CEBPZOS: variants seen among roughly 807,000 people sequenced by gnomAD.
CEBPZOS encodes protein CEBPZOS.
CEBPZOS carries 10 observed loss-of-function variants against 4.8 expected under a neutral mutation model. That is an observed-to-expected ratio of 2.07 (90% confidence interval 1.28 to 3.52). CEBPZOS has a LOEUF of 3.52. CEBPZOS is among the 30% of genes most tolerant of loss of function. The probability of loss-of-function intolerance (pLI) is 0.00; values close to 1 mark genes in which losing one functional copy is unlikely to be tolerated. For synonymous variants in CEBPZOS, 25 were observed against 14.2 expected, an observed-to-expected ratio of 1.77 and a Z score of -1.72; for missense variants, 98 against 43.6, an observed-to-expected ratio of 2.25 and a Z score of -3.51.
At chr2:37,215,826 T>A (rs113912805), downstream of CEBPZOS, among the ~76,000 whole-genome samples, 2 of 151,962 alleles carry the variant, frequency 1.3e-5, no homozygotes, top group African/African-American at 4.8e-5. Flanking sequence ...TACATAGGGG[T>A]TGTGGATGAA....
At chr2:37,206,959 G>GA (rs1315613517), downstream of CEBPZOS, among the ~76,000 whole-genome samples, 1 of 152,126 alleles carries the variant, frequency 6.6e-6, no homozygotes, top group Non-Finnish European at 1.5e-5. Context: ...GGTGGGAAAA[G>GA]ATATTCCATG....
At chr2:37,206,166 C>T (rs949830936), downstream of CEBPZOS, among the ~76,000 whole-genome samples, 3 of 152,058 alleles carry the variant, frequency 2.0e-5, no homozygotes, top group Non-Finnish European at 4.4e-5. Context: ...AGGAAAATGG[C>T]GGATAAGGGG....
intron 1 of CEBPZOS, among the ~76,000 whole-genome samples, chr2:37,199,430 C>T (rs1429685605): frequency 6.6e-6 from 1 of 152,138 alleles, no homozygotes; most frequent in Non-Finnish European, 1.5e-5. Flanking sequence ...AATTTTAGTT[C>T]CGTAAATTGT....
At chr2:37,213,188 TA>T (rs1232369400) in intron 4 of CEBPZOS, among the ~76,000 whole-genome samples, 1 of 152,178 alleles carries the variant, frequency 6.6e-6, no homozygotes, top group Non-Finnish European at 1.5e-5. Flanking sequence ...GGATTAAAGA[TA>T]AAAAAGATCA....
rs1017358856 is a variant in CEBPZOS, at chr2:37,204,723, T to C, written c.*2863T>C. ...AGTAAATTAATAAATCTGAATCAAT[T>C]AATAAATCTGTTTAAAATTCCTTGC... is the stretch of plus-strand genomic sequence containing the variant. On this transcript the variant is annotated 3_prime_UTR_variant, in exon 5 of 5. Coordinates refer to ENST00000402297, the MANE Select transcript of CEBPZOS (RefSeq NM_001322374.2). 1 of 152,220 alleles carries C rather than the reference T, an allele frequency of 6.6e-6. No individual in the cohort carries two copies. The highest frequency in any genetic ancestry group is 1.5e-5 in the Non-Finnish European group (1 of 68,030). The allele number at this position is 152,220 out of a possible 1,614,324, so 9.4% of individuals were successfully genotyped here. A position where few individuals can be genotyped will look rare whatever the true frequency, so the allele number is the denominator to read the frequency against.
downstream of CEBPZOS, among the ~76,000 whole-genome samples, chr2:37,207,801 A>G (rs1247451297): frequency 6.6e-6 from 1 of 152,208 alleles, no homozygotes; most frequent in Non-Finnish European, 1.5e-5. Context: ...AATAACAAAT[A>G]TCAGAGCAGA....
downstream of CEBPZOS, chr2:37,209,179 T>C (rs989716850): frequency 3.9e-5 from 6 of 152,176 alleles, no homozygotes; most frequent in Non-Finnish European, 5.9e-5. Flanking sequence ...CCCATGTTCA[T>C]GGATGGGTAG....
In CEBPZOS at chr2:37,202,055, T is replaced by A. The variant is rs541898080; in HGVS notation, c.*195T>A. 2.0e-6 allele frequency: 1 copy of A among 499,874 alleles called. No homozygotes were observed. The highest frequency in any genetic ancestry group is 5.2e-5 in the South Asian group (1 of 19,250). The allele number at this position is 499,874 out of a possible 1,614,324, so 31.0% of individuals were successfully genotyped here. A position where few individuals can be genotyped will look rare whatever the true frequency, so the allele number is the denominator to read the frequency against. On this transcript the variant is annotated 3_prime_UTR_variant, in exon 5 of 5. Coordinates refer to ENST00000402297, the MANE Select transcript of CEBPZOS (RefSeq NM_001322374.2). Reference sequence around the variant, plus strand: ...AAACCCACTGCTTGTTTGTTGCTTTTCTTCTCATATTTATTGTCAAAGATA... The same window carrying A: ...AAACCCACTGCTTGTTTGTTGCTTTACTTCTCATATTTATTGTCAAAGATA...
At chr2:37,206,844 C>T (rs1470045580), downstream of CEBPZOS, among the ~76,000 whole-genome samples, 1 of 152,140 alleles carries the variant, frequency 6.6e-6, no homozygotes, top group Non-Finnish European at 1.5e-5. Context: ...TGTAAATGGC[C>T]TAAATGCTCC....
chr2:37,215,804 A>G (rs1413062401), downstream of CEBPZOS, among the ~76,000 whole-genome samples: 3 of 152,202 alleles, frequency 2.0e-5, no homozygotes, highest in Admixed American at 1.3e-4. Flanking sequence ...ATTGTAAGCA[A>G]TAATAATTAT....
intron 3 of CEBPZOS, 193 bp downstream of exon 3, chr2:37,201,285 G>T: frequency 1.8e-6 from 1 of 551,864 alleles, no homozygotes; most frequent in South Asian, 2.4e-5. Flanking sequence ...TTCTTCTAGT[G>T]GTTAAGAATG....
chr2:37,201,900 A>G lies in CEBPZOS; in HGVS notation c.*40A>G. On this transcript the variant is annotated 3_prime_UTR_variant, in exon 5 of 5. Coordinates refer to ENST00000402297, the MANE Select transcript of CEBPZOS (RefSeq NM_001322374.2). ...TTCAGCCTCCCATCTAAGCTGTTTG[A>G]GACCTTTGAGAGAAGAAGAAAAGAT... 6.2e-7 allele frequency: 1 copy of G among 1,611,652 alleles called. No individual in the cohort carries two copies. The highest frequency in any genetic ancestry group is 8.5e-7 in the Non-Finnish European group (1 of 1,179,426).
intron 4 of CEBPZOS, chr2:37,210,763 C>T (rs1677695489): frequency 4.9e-6 from 2 of 407,678 alleles, no homozygotes; most frequent in South Asian, 3.4e-5. Flanking sequence ...CCAAAAACAA[C>T]TGAAATAATG....
At chr2:37,211,137 A>C (rs1572497883) in intron 4 of CEBPZOS, 2 of 1,146,922 alleles carry the variant, frequency 1.7e-6, no homozygotes, top group East Asian at 4.7e-5. Flanking sequence ...AGACTGGAAA[A>C]TATTACTCCA....
chr2:37,214,988 A>C (rs969047021), downstream of CEBPZOS: 2 of 1,310,040 alleles, frequency 1.5e-6, no homozygotes, highest in Admixed American at 3.4e-5. Flanking sequence ...AACTTCATAT[A>C]GCAATCCCCT....
downstream of CEBPZOS, among the ~76,000 whole-genome samples, chr2:37,205,264 G>A (rs1254195317): frequency 1.3e-5 from 2 of 151,574 alleles, no homozygotes; most frequent in African/African-American, 4.8e-5. Flanking sequence ...CATATCCCCT[G>A]TGACCTGCAC....
chr2:37,197,174 C>T (rs915585363), intron 1 of CEBPZOS: 3 of 152,690 alleles, frequency 2.0e-5, no homozygotes, highest in African/African-American at 7.2e-5. Context: ...ATGCCTTTCC[C>T]TGTGCCGAGA....
intron 1 of CEBPZOS, among the ~76,000 whole-genome samples, chr2:37,197,729 G>T (rs1483386594): frequency 6.6e-6 from 1 of 152,170 alleles, no homozygotes; most frequent in Non-Finnish European, 1.5e-5. Context: ...AGCCAGACGT[G>T]GTGGCACACG....
downstream of CEBPZOS, among the ~76,000 whole-genome samples, chr2:37,206,805 G>T (rs1677554086): frequency 6.6e-6 from 1 of 152,102 alleles, no homozygotes; most frequent in Non-Finnish European, 1.5e-5. Flanking sequence ...GAATAGAATA[G>T]TACCTCACAT....
Sources: allele counts gnomAD v4.1 joint callset (sites outside exome capture counted in the v4.1 genomes callset), GRCh38; gene constraint gnomAD v4.1.1; transcripts MANE v1.5; gene names NCBI Gene and HGNC (gene_info 2026-07-23, HGNC 2026-07-21).